SFT2D2: variants seen among roughly 807,000 people sequenced by gnomAD.
The protein encoded by SFT2D2 is SFT2 domain containing 2, also known as vesicle transport protein SFT2B.
In SFT2D2, 21 loss-of-function variants were observed where a neutral mutation model predicts 27.4. The observed-to-expected ratio is 0.77, with a 90% CI of 0.54 to 1.10. The LOEUF is 1.10. Ranked by LOEUF, SFT2D2 falls within the 50% of genes least tolerant of loss-of-function variation. SFT2D2 has a pLI of 0.00. For missense variants in SFT2D2, 187 were observed against 194.2 expected (o/e 0.96, Z 0.22); for synonymous variants, 72 against 71.7 (o/e 1.00, Z -0.02).
At chr1:168,234,559 A>G (rs1416694498) in intron 3 of SFT2D2, among the ~76,000 whole-genome samples, 2 of 152,160 alleles carry the variant, frequency 1.3e-5, no homozygotes, top group African/African-American at 2.4e-5. Context: ...ATGAGGTAAT[A>G]TATGTAATAT....
intron 6 of SFT2D2, 56 bp downstream of exon 6, chr1:168,236,826 A>G: frequency 1.9e-6 from 3 of 1,567,468 alleles, no homozygotes; most frequent in African/African-American, 1.4e-5. Flanking sequence ...AATGTAGCCA[A>G]AGGAGATAAA....
rs1647952114 is a variant in SFT2D2 at position 168,251,559 on chromosome 1, C to G, written c.*9019C>G. 1 of 152,138 alleles carries G rather than the reference C, an allele frequency of 6.6e-6. No homozygotes were observed. The highest frequency in any genetic ancestry group is 1.5e-5 in the Non-Finnish European group (1 of 68,032). 9.4% of individuals were successfully genotyped at this position (152,138 alleles called of 1,614,324 possible). ...CTTTATTTTCTCTTTGCTCAGATAACTTCTGACTAGAGTCGACGGTAGGAT... is the reference window on the plus strand; with the variant it reads ...CTTTATTTTCTCTTTGCTCAGATAAGTTCTGACTAGAGTCGACGGTAGGAT... On this transcript the variant is annotated 3_prime_UTR_variant, in exon 8 of 8. Transcript: ENST00000271375.
intron 6 of SFT2D2, among the ~76,000 whole-genome samples, chr1:168,237,387 C>T (rs953509194): frequency 1.2e-4 from 18 of 152,212 alleles, no homozygotes; most frequent in Admixed American, 7.2e-4. Flanking sequence ...GTAAAAGGGC[C>T]GCTGGAGACA....
intron 6 of SFT2D2, among the ~76,000 whole-genome samples, chr1:168,238,672 C>G (rs1292526493): frequency 6.6e-6 from 1 of 151,216 alleles, no homozygotes; most frequent in Non-Finnish European, 1.5e-5. Flanking sequence ...TTCCAGCAGC[C>G]TAGGTGACGA....
In SFT2D2 at chr1:168,244,174, GTT is replaced by G. The variant is rs1478783133; in HGVS notation, c.*1648_*1649del. On this transcript the variant is annotated 3_prime_UTR_variant, in exon 8 of 8. Coordinates refer to ENST00000271375, the MANE Select transcript of SFT2D2 (RefSeq NM_199344.3). ...CTACTGTGGCTAAGAACTCTGACTG[GTT>G]TTTTTTTTTTTTTCTTTTTGAGATG... 5 of 141,728 alleles carry G rather than the reference GTT, an allele frequency of 3.5e-5. No individual in the cohort carries two copies. Among genetic ancestry groups the G allele is most frequent in the Non-Finnish European group, 6.2e-5 (4 of 64,338 alleles). The allele number at this position is 141,728 out of a possible 1,614,324, so 8.8% of individuals were successfully genotyped here.
rs2102336369 is a variant in SFT2D2 at position 168,246,649 on chromosome 1, G to A, written c.*4109G>A. ...GAAATCAAGCTCTTGGTCTCTTTCT[G>A]TTGAGTGACTTTGATCATGATCATG... On this transcript the variant is annotated 3_prime_UTR_variant, in exon 8 of 8. Transcript: ENST00000271375. The A allele has an allele frequency of 7.4e-7, 1 of 1,349,790 alleles. No homozygotes were observed. The highest frequency in any genetic ancestry group is 1.0e-6 in the Non-Finnish European group (1 of 959,798). 83.6% of individuals were successfully genotyped at this position (1,349,790 alleles called of 1,614,324 possible). A position where few individuals can be genotyped will look rare whatever the true frequency, so the allele number is the denominator to read the frequency against.
At chr1:168,232,664 C>T (rs1363957178) in intron 3 of SFT2D2, among the ~76,000 whole-genome samples, 1 of 152,206 alleles carries the variant, frequency 6.6e-6, no homozygotes, top group African/African-American at 2.4e-5. Flanking sequence ...TCTTTGTCCC[C>T]ATGGCTGTTT....
In SFT2D2 at chr1:168,246,765, G is replaced by T; in HGVS notation, c.*4225G>T. ...CTTCTCCAGTTTAGAACGGAGCATT[G>T]TGTTCTCATCTGTCAGAGCAGTAAG... On this transcript the variant is annotated 3_prime_UTR_variant, in exon 8 of 8. Coordinates refer to ENST00000271375, the MANE Select transcript of SFT2D2 (RefSeq NM_199344.3). 1.3e-6 allele frequency: 1 copy of T among 743,106 alleles called. No individual in the cohort carries two copies. The highest frequency in any genetic ancestry group is 2.3e-6 in the Non-Finnish European group (1 of 430,684). 46.0% of individuals were successfully genotyped at this position (743,106 alleles called of 1,614,324 possible). A position where few individuals can be genotyped will look rare whatever the true frequency, so the allele number is the denominator to read the frequency against.
chr1:168,236,439 T>C, intron 4 of SFT2D2, 150 bp from the exon 5 acceptor site: 1 of 668,774 alleles, frequency 1.5e-6, no homozygotes, highest in Non-Finnish European at 2.5e-6. Flanking sequence ...GATTTTTAAC[T>C]ATTCTGCCAA....
intron 6 of SFT2D2, 38 bp downstream of exon 6, chr1:168,236,808 C>G: frequency 6.2e-7 from 1 of 1,600,014 alleles, no homozygotes; most frequent in Non-Finnish European, 8.6e-7. Flanking sequence ...CCACATAGCC[C>G]ACTGAATAAT....
chr1:168,231,505 C>A lies in SFT2D2; in HGVS notation c.64-9C>A. ...GTGTGTATATGTATTTTTTTTTTTT[C>A]AATTTTAGGTTGTTGAGGCATCTTC... On this transcript the variant is annotated splice_polypyrimidine_tract_variant and intron_variant, in intron 1 of 7. Transcript: ENST00000271375. 2 of 1,573,024 alleles carry A rather than the reference C, an allele frequency of 1.3e-6. No individual in the cohort carries two copies. Among genetic ancestry groups the A allele is most frequent in the Non-Finnish European group, 1.7e-6 (2 of 1,162,452 alleles).
At chr1:168,235,977 A>C (rs1416906519) in intron 4 of SFT2D2, among the ~76,000 whole-genome samples, 1 of 152,324 alleles carries the variant, frequency 6.6e-6, no homozygotes, top group South Asian at 2.1e-4. Context: ...GACACAGAGA[A>C]TATTTAGGAC....
In SFT2D2 at chr1:168,231,926, GT is replaced by G. The variant is rs1249364918; in HGVS notation, c.236+13del. ...ATATCGCATCAATTGGGAGGTAACT[GT>G]TTTTTAAAAATCCAATTTTAGCCAA... On this transcript the variant is annotated splice_region_variant and intron_variant, in intron 3 of 7. Coordinates refer to ENST00000271375, the MANE Select transcript of SFT2D2 (RefSeq NM_199344.3). The G allele has an allele frequency of 1.2e-6, 2 of 1,613,348 alleles. No individual in the cohort carries two copies. The highest frequency in any genetic ancestry group is 1.7e-6 in the Non-Finnish European group (2 of 1,179,600).
In SFT2D2 at chr1:168,245,862, T is replaced by C. The variant is rs144306920; in HGVS notation, c.*3322T>C. 6.5e-6 allele frequency: 1 copy of C among 152,812 alleles called. No individual in the cohort carries two copies. The highest frequency in any genetic ancestry group is 1.5e-5 in the Non-Finnish European group (1 of 68,154). 9.5% of individuals were successfully genotyped at this position (152,812 alleles called of 1,614,324 possible). A position where few individuals can be genotyped will look rare whatever the true frequency, so the allele number is the denominator to read the frequency against. On this transcript the variant is annotated 3_prime_UTR_variant, in exon 8 of 8. Transcript: ENST00000271375. ...TGGCCATCTTGCTTTTTAATTGTAT[T>C]TCTTAACACTAGAATTTTCTATTTC...
At position 168,234,392 on chromosome 1, in the gene SFT2D2, CAA is replaced by C. The variant is rs201792164; in HGVS notation, c.237-697_237-696del. Among the ~76,000 whole-genome samples the C allele has an allele frequency of 1.8e-3, 199 of 110,992 alleles. 1 individual carries two copies. Among genetic ancestry groups the C allele is most frequent in the African/African-American group, 6.0e-3 (186 of 31,248 alleles). 72.8% of individuals were successfully genotyped at this position (110,992 alleles called of 152,430 possible). A position where few individuals can be genotyped will look rare whatever the true frequency, so the allele number is the denominator to read the frequency against. On this transcript the variant is annotated intron_variant, in intron 3 of 7. Transcript: ENST00000271375. Reference sequence around the variant, plus strand: ...CTGGCGACAGAGTGAGACTCCATGTCAAAAAAAAAAAAACAAACAAAAAAAAC... The same window carrying C: ...CTGGCGACAGAGTGAGACTCCATGTCAAAAAAAAAAACAAACAAAAAAAAC...
chr1:168,242,556 A>C lies in SFT2D2; in HGVS notation c.*16A>C. The C allele has an allele frequency of 6.2e-7, 1 of 1,614,152 alleles. No individual in the cohort carries two copies. The highest frequency in any genetic ancestry group is 8.5e-7 in the Non-Finnish European group (1 of 1,180,016). Reference sequence around the variant, plus strand: ...TCTTGCATAATTCATGGCCAGTTTTATGAAGCTTTGGAAGGCACTATGGAC... The same window carrying C: ...TCTTGCATAATTCATGGCCAGTTTTCTGAAGCTTTGGAAGGCACTATGGAC... On this transcript the variant is annotated 3_prime_UTR_variant, in exon 8 of 8. Transcript: ENST00000271375.
At chr1:168,233,319 C>T (rs73031930) in intron 3 of SFT2D2, among the ~76,000 whole-genome samples, 57 of 152,292 alleles carry the variant, frequency 3.7e-4, no homozygotes, top group African/African-American at 1.3e-3. Context: ...CTGATTACCT[C>T]CTCCTCTCCA....
intron 1 of SFT2D2, among the ~76,000 whole-genome samples, chr1:168,227,027 C>T (rs546122500): frequency 1.3e-5 from 2 of 152,148 alleles, no homozygotes; most frequent in African/African-American, 4.8e-5. Context: ...ACCATCTTGG[C>T]CGGGCTGGTC....
intron 7 of SFT2D2, 92 bp from the exon 8 acceptor site, chr1:168,242,409 T>G: frequency 7.2e-7 from 1 of 1,397,022 alleles, no homozygotes; most frequent in Non-Finnish European, 1.0e-6. Flanking sequence ...TCTAGGTGCT[T>G]TCTACTCTGC....
Sources: gnomAD v4.1 joint callset for allele counts (sites outside exome capture counted in the v4.1 genomes callset) on GRCh38, gnomAD v4.1.1 for gene constraint, MANE v1.5 for transcripts, NCBI Gene and HGNC (gene_info 2026-07-23, HGNC 2026-07-21) for gene names.